Variants in MACROD2 observed in about 807,000 individuals in gnomAD.
MACROD2 encodes the protein ADP-ribose glycohydrolase MACROD2.
Under a neutral mutation model 70.4 loss-of-function variants are expected in MACROD2, and 36 were observed. The observed-to-expected ratio is 0.51, with a 90% CI of 0.39 to 0.68. The LOEUF (loss-of-function observed/expected upper bound fraction) is 0.68, where lower values mean the gene tolerates loss of function less well. MACROD2 is among the 30% of genes least tolerant of loss of function. MACROD2 has a pLI of 0.00. For missense variants in MACROD2, 496 were observed against 538.4 expected (o/e 0.92, Z 0.78); for synonymous variants, 172 against 178.8 (o/e 0.96, Z 0.30).
At chr20:15,417,914 C>T (rs577410416) in intron 6 of MACROD2, among the ~76,000 whole-genome samples, 1 of 152,270 alleles carries the variant, frequency 6.6e-6, no homozygotes, top group East Asian at 1.9e-4. Context: ...GGTTTTCACA[C>T]TGTGGATGCT....
chr20:15,351,520 A>T lies in MACROD2; in HGVS notation c.541-79885A>T, dbSNP rs139138218. ...GACTCCACAGGAAAGAACAGTGGAA[A>T]CCTCCTGTTTGAGATCTCCCAGGCT... On this transcript the variant is annotated intron_variant, in intron 6 of 17. Transcript: ENST00000684519. 3.2e-4 allele frequency among the ~76,000 whole-genome samples: 49 copies of T among 152,054 alleles called. No individual in the cohort carries two copies. In the East Asian group the frequency reaches 7.7e-3, roughly 24 times the overall value.
At chr20:14,291,786 C>G (rs1192250243) in intron 3 of MACROD2, among the ~76,000 whole-genome samples, 5 of 151,896 alleles carry the variant, frequency 3.3e-5, no homozygotes, top group African/African-American at 9.7e-5. Context: ...AAGCTTGTCT[C>G]TCATATTTTA....
At chr20:14,547,875 G>T (rs1978373033) in intron 4 of MACROD2, among the ~76,000 whole-genome samples, 1 of 152,090 alleles carries the variant, frequency 6.6e-6, no homozygotes, top group Admixed American at 6.6e-5. Context: ...TCCTCTGTAT[G>T]GCTCTAATCA....
chr20:16,033,299 A>C (rs540972911), intron 15 of MACROD2, among the ~76,000 whole-genome samples: 2 of 152,274 alleles, frequency 1.3e-5, no homozygotes, highest in Non-Finnish European at 2.9e-5. Flanking sequence ...AGAAGGAATA[A>C]AAGAAAAATA....
At chr20:15,747,407 C>A (rs1307005861) in intron 8 of MACROD2, among the ~76,000 whole-genome samples, 3 of 152,122 alleles carry the variant, frequency 2.0e-5, no homozygotes, top group Admixed American at 6.6e-5. Flanking sequence ...TATGGTCAGG[C>A]TTGAAGGATC....
At chr20:14,863,243 A>G (rs2073391799) in intron 5 of MACROD2, among the ~76,000 whole-genome samples, 2 of 152,078 alleles carry the variant, frequency 1.3e-5, no homozygotes, top group South Asian at 4.2e-4. Flanking sequence ...GCCAATGCAC[A>G]TATCTGTGGG....
chr20:14,490,080 AT>A (rs1424262308), intron 3 of MACROD2, among the ~76,000 whole-genome samples: 1 of 152,156 alleles, frequency 6.6e-6, no homozygotes, highest in East Asian at 1.9e-4. Context: ...TGCCGTGATC[AT>A]TTTTCATTTA....
chr20:14,269,904 C>T lies in MACROD2; in HGVS notation c.271+184176C>T, dbSNP rs1601418363. Among the ~76,000 whole-genome samples, 2 of 151,994 alleles carry T rather than the reference C, an allele frequency of 1.3e-5. 1 individual carries two copies. Among genetic ancestry groups the T allele is most frequent in the East Asian group, 3.9e-4 (2 of 5,182 alleles). On this transcript the variant is annotated intron_variant, in intron 3 of 17. Transcript: ENST00000684519. ...TAAAACCCTCCTAATTGCCACTCCT[C>T]ATCCTAACCCTGGGAAAAATTCTTG... is the stretch of plus-strand genomic sequence containing the variant.
intron 3 of MACROD2, among the ~76,000 whole-genome samples, chr20:14,425,897 T>C (rs1442381020): frequency 6.6e-6 from 1 of 152,232 alleles, no homozygotes; most frequent in Non-Finnish European, 1.5e-5. Flanking sequence ...AATGATCTTG[T>C]ATCTGAAAAT....
intron 3 of MACROD2, among the ~76,000 whole-genome samples, chr20:14,320,526 C>CAAAGTTA (rs2082649401): frequency 2.0e-5 from 3 of 152,190 alleles, no homozygotes; most frequent in African/African-American, 7.2e-5. Flanking sequence ...GAATTCAACA[C>CAAAGTTA]ACTACAAAGC....
chr20:15,464,460 A>T (rs1261576555), intron 7 of MACROD2, among the ~76,000 whole-genome samples: 1 of 152,324 alleles, frequency 6.6e-6, no homozygotes, highest in Admixed American at 6.5e-5. Context: ...ATAGACATGC[A>T]TTTCCCTAAT....
At chr20:15,635,941 G>A (rs2049357381) in intron 8 of MACROD2, among the ~76,000 whole-genome samples, 1 of 151,884 alleles carries the variant, frequency 6.6e-6, no homozygotes, top group South Asian at 2.1e-4. Context: ...GGTGGTGCAT[G>A]CTTGTAATCC....
chr20:14,194,362 T>C (rs1470071045), intron 3 of MACROD2, among the ~76,000 whole-genome samples: 1 of 152,196 alleles, frequency 6.6e-6, no homozygotes, highest in African/African-American at 2.4e-5. Flanking sequence ...GAGACCTGAC[T>C]TGAAAATGAT....
At chr20:15,006,974 G>A (rs1263905696) in intron 5 of MACROD2, among the ~76,000 whole-genome samples, 1 of 151,886 alleles carries the variant, frequency 6.6e-6, no homozygotes, top group Non-Finnish European at 1.5e-5. Flanking sequence ...AAAGTCTAAG[G>A]CTTTGCAAAA....
At chr20:15,759,632 C>T (rs550410614) in intron 8 of MACROD2, among the ~76,000 whole-genome samples, 20 of 152,336 alleles carry the variant, frequency 1.3e-4, no homozygotes, top group Admixed American at 7.8e-4. Context: ...CATGTGATTG[C>T]ACTCTACCGG....
chr20:14,619,409 G>A (rs1268023043), intron 4 of MACROD2, among the ~76,000 whole-genome samples: 5 of 107,630 alleles, frequency 4.6e-5, no homozygotes, highest in Non-Finnish European at 1.0e-4. Context: ...GAGGAAGGAA[G>A]GAGGAAAGGA....
intron 6 of MACROD2, among the ~76,000 whole-genome samples, chr20:15,415,286 C>A (rs1266555083): frequency 6.6e-6 from 1 of 152,178 alleles, no homozygotes; most frequent in Non-Finnish European, 1.5e-5. Context: ...TTGGTCAGTT[C>A]TTTGGAGCTT....
chr20:15,609,600 G>A (rs1439185831), intron 8 of MACROD2, among the ~76,000 whole-genome samples: 2 of 152,144 alleles, frequency 1.3e-5, no homozygotes, highest in Admixed American at 6.5e-5. Context: ...AGTGGAAGGT[G>A]ATCTGTACCA....
chr20:14,148,090 A>G lies in MACROD2; in HGVS notation c.271+62362A>G, dbSNP rs78319765. Among the ~76,000 whole-genome samples the G allele has an allele frequency of 7.8e-3, 1,189 of 152,312 alleles. 10 individuals are homozygous for G. Among genetic ancestry groups the G allele is most frequent in the African/African-American group, 0.025 (1,056 of 41,570 alleles). The stretch of plus-strand genomic sequence containing the variant: ...AATTTTACTACTCTTGGATATTAGA[A>G]TTAAGGTAATAGTAGAAGGATAATT... On this transcript the variant is annotated intron_variant, in intron 3 of 17. Transcript: ENST00000684519.
Sources: allele counts gnomAD v4.1 joint callset (sites outside exome capture counted in the v4.1 genomes callset), GRCh38; gene constraint gnomAD v4.1.1; transcripts MANE v1.5; gene names NCBI Gene and HGNC (gene_info 2026-07-23, HGNC 2026-07-21).